Variants in RNF8 observed in about 807,000 individuals in gnomAD.
The protein encoded by RNF8 is E3 ubiquitin-protein ligase RNF8.
In RNF8, 8 loss-of-function variants were observed where a neutral mutation model predicts 59.3. That is an observed-to-expected ratio of 0.13 (90% CI 0.08 to 0.24). The LOEUF (loss-of-function observed/expected upper bound fraction) is 0.24, where lower values mean the gene tolerates loss of function less well. Among genes scored for constraint, RNF8 ranks in the 10% least tolerant of loss-of-function variants. RNF8 has a pLI of 1.00. For synonymous variants in RNF8, 162 were observed against 200.0 expected, an observed-to-expected ratio of 0.81 and a Z score of 1.60; for missense variants, 406 against 572.6, an observed-to-expected ratio of 0.71 and a Z score of 2.97.
In RNF8 at chr6:37,359,747, A is replaced by G. The variant is rs182662849; in HGVS notation, c.112-699A>G. 2.2e-3 allele frequency among the ~76,000 whole-genome samples: 329 copies of G among 152,354 alleles called. 2 individuals carry two copies. Among genetic ancestry groups the G allele is most frequent in the African/African-American group, 7.5e-3 (310 of 41,584 alleles). ...TGCTATGAAAGCTAATGCAATTTAT[A>G]TGCTCCAGTGATAATATCTAGAACT... On this transcript the variant is annotated intron_variant, in intron 1 of 7. Transcript: ENST00000373479.
In RNF8 at chr6:37,392,104, A is replaced by C. The variant is rs1481294231; in HGVS notation, c.*1346A>C. On this transcript the variant is annotated 3_prime_UTR_variant, in exon 8 of 8. Transcript: ENST00000373479. The stretch of plus-strand genomic sequence containing the variant: ...ATTCTTCTGCCCATGATTACTGATC[A>C]AAATACTGGTAGAGTCATGGAGGAA... 3.3e-5 allele frequency: 6 copies of C among 184,496 alleles called. No homozygotes were observed. The East Asian group carries it at 8.2e-4, about 25-fold the overall frequency. The allele number at this position is 184,496 out of a possible 1,614,324, so 11.4% of individuals were successfully genotyped here.
chr6:37,392,564 G>A lies in RNF8; in HGVS notation c.*1806G>A. 2 of 398,538 alleles carry A rather than the reference G, an allele frequency of 5.0e-6. No homozygotes were observed. Among genetic ancestry groups the A allele is most frequent in the Admixed American group, 8.8e-5 (2 of 22,726 alleles). 24.7% of individuals were successfully genotyped at this position (398,538 alleles called of 1,614,324 possible). A position where few individuals can be genotyped will look rare whatever the true frequency, so the allele number is the denominator to read the frequency against. ...TCTTTTTCCTTGCTTTGCACAAATG[G>A]TAAACTGTACGCTATTCTGAACCTT... On this transcript the variant is annotated 3_prime_UTR_variant, in exon 8 of 8. Transcript: ENST00000373479.
intron 7 of RNF8, among the ~76,000 whole-genome samples, chr6:37,386,658 G>T (rs1017667880): frequency 2.0e-5 from 3 of 152,174 alleles, no homozygotes; most frequent in Admixed American, 6.5e-5. Context: ...GCACCATGTT[G>T]CACTGAAAGT....
rs761537824 is a variant in RNF8, at chr6:37,381,348, C to T, written c.1435C>T (p.Arg479Ter). Residue 479 changes from arginine (R) to a stop codon, truncating the protein, a stop_gained, in exon 7 of 8, where the codon CGA (arginine) becomes TGA (stop). Transcript: ENST00000373479. LOFTEE classifies it high-confidence loss of function. ...ACGACGAATTGTTCTCATTAGGGAA[C>T]GAAAAGGTGAGTGGGTGTGAGAATT... The part of the protein sequence containing the change: ...KERRIVLIRE[R>*]KAKRLF 1 of 1,613,576 alleles carries T rather than the reference C, an allele frequency of 6.2e-7. No homozygotes were observed. The highest frequency in any genetic ancestry group is 8.5e-7 in the Non-Finnish European group (1 of 1,179,706).
intron 3 of RNF8, among the ~76,000 whole-genome samples, chr6:37,370,671 A>G (rs1363128273): frequency 6.7e-6 from 1 of 148,852 alleles, no homozygotes; most frequent in Non-Finnish European, 1.5e-5. Context: ...CTGCTGGTTT[A>G]GAAGCTCATT....
chr6:37,380,586 G>A (rs542615157), intron 6 of RNF8, among the ~76,000 whole-genome samples: 13 of 151,224 alleles, frequency 8.6e-5, no homozygotes, highest in African/African-American at 2.9e-4. Flanking sequence ...CAGGAGAATG[G>A]CGTGAACCCA....
At chr6:37,374,756 C>T (rs766451817) in intron 5 of RNF8, 47 bp downstream of exon 5, 2 of 1,398,634 alleles carry the variant, frequency 1.4e-6, no homozygotes, top group South Asian at 1.2e-5. Context: ...GTGCATGCAA[C>T]TCAGCATTTT....
At chr6:37,375,105 G>A (rs532624838) in intron 5 of RNF8, among the ~76,000 whole-genome samples, 2 of 152,344 alleles carry the variant, frequency 1.3e-5, no homozygotes, top group South Asian at 2.1e-4. Context: ...CAAATCAGGA[G>A]AACTCTTGAA....
At chr6:37,373,763 G>T (rs1319436877) in intron 4 of RNF8, among the ~76,000 whole-genome samples, 1 of 152,140 alleles carries the variant, frequency 6.6e-6, no homozygotes, top group East Asian at 1.9e-4. Context: ...TCTAATTAGT[G>T]TGTCAAGTTG....
In RNF8 at chr6:37,392,011, G is replaced by A. The variant is rs868339414; in HGVS notation, c.*1253G>A. ...ATTGATTGCCAACTTTTTAAGGATGGTAGGGATTTTTTCTTTGTTGAATAT... is the reference window on the plus strand; with the variant it reads ...ATTGATTGCCAACTTTTTAAGGATGATAGGGATTTTTTCTTTGTTGAATAT... On this transcript the variant is annotated 3_prime_UTR_variant, in exon 8 of 8. Coordinates refer to ENST00000373479, the MANE Select transcript of RNF8 (RefSeq NM_003958.4). 1.3e-5 allele frequency: 2 copies of A among 153,448 alleles called. No homozygotes were observed. Among genetic ancestry groups the A allele is most frequent in the South Asian group, 2.1e-4 (1 of 4,842 alleles). The allele number at this position is 153,448 out of a possible 1,614,324, so 9.5% of individuals were successfully genotyped here. A position where few individuals can be genotyped will look rare whatever the true frequency, so the allele number is the denominator to read the frequency against.
intron 7 of RNF8, among the ~76,000 whole-genome samples, chr6:37,382,568 A>T (rs1770316921): frequency 1.3e-5 from 2 of 152,144 alleles, no homozygotes; most frequent in South Asian, 2.1e-4. Context: ...AGATCAGCTG[A>T]GTCGGGGGAC....
At chr6:37,356,169 T>C (rs1658073780) in intron 1 of RNF8, among the ~76,000 whole-genome samples, 1 of 152,198 alleles carries the variant, frequency 6.6e-6, no homozygotes, top group Non-Finnish European at 1.5e-5. Flanking sequence ...ATGGGGCCAG[T>C]TGCATGGGGA....
At chr6:37,375,002 G>A (rs946341623) in intron 5 of RNF8, among the ~76,000 whole-genome samples, 1 of 152,198 alleles carries the variant, frequency 6.6e-6, no homozygotes, top group African/African-American at 2.4e-5. Context: ...TACAGACTGA[G>A]GAATATTGTA....
chr6:37,373,196 G>A (rs753477695), intron 4 of RNF8, among the ~76,000 whole-genome samples: 20 of 152,040 alleles, frequency 1.3e-4, no homozygotes, highest in Non-Finnish European at 2.6e-4. Flanking sequence ...TTTTTAAACC[G>A]AGTGATTCAT....
Position 37,390,857 on chromosome 6 carries a change from C to A in RNF8, c.*99C>A. On this transcript the variant is annotated 3_prime_UTR_variant, in exon 8 of 8. Coordinates refer to ENST00000373479, the MANE Select transcript of RNF8 (RefSeq NM_003958.4). Reference sequence around the variant, plus strand: ...GCCGTGACTCCGCTGCTCTGAAGGTCAACTGAGAAGTCTTGTGGGACAGAG... The same window carrying A: ...GCCGTGACTCCGCTGCTCTGAAGGTAAACTGAGAAGTCTTGTGGGACAGAG... 1.2e-6 allele frequency: 2 copies of A among 1,607,416 alleles called. No homozygotes were observed. The highest frequency in any genetic ancestry group is 2.2e-5 in the South Asian group (2 of 90,940).
chr6:37,384,322 G>A (rs1382415493), intron 7 of RNF8, among the ~76,000 whole-genome samples: 3 of 152,004 alleles, frequency 2.0e-5, no homozygotes, highest in African/African-American at 7.2e-5. Context: ...TGCATTTTTA[G>A]TAGAGACGGG....
At chr6:37,379,588 AGAG>A (rs1388346176) in intron 6 of RNF8, among the ~76,000 whole-genome samples, 1 of 152,216 alleles carries the variant, frequency 6.6e-6, no homozygotes. Context: ...GGGATTACTC[AGAG>A]GAGCCCCACA....
chr6:37,384,024 CAG>C (rs1443534523), intron 7 of RNF8, among the ~76,000 whole-genome samples: 1 of 151,268 alleles, frequency 6.6e-6, no homozygotes, highest in Admixed American at 6.6e-5. Flanking sequence ...GGGTTGTACT[CAG>C]AAAAAAAACA....
chr6:37,388,555 A>AC (rs956402383), intron 7 of RNF8, among the ~76,000 whole-genome samples: 1 of 152,182 alleles, frequency 6.6e-6, no homozygotes, highest in African/African-American at 2.4e-5. Context: ...CATGAGAAAC[A>AC]CCAACATTAG....
Sources: gnomAD v4.1 joint callset for allele counts (sites outside exome capture counted in the v4.1 genomes callset) on GRCh38, gnomAD v4.1.1 for gene constraint, MANE v1.5 for transcripts, NCBI Gene and HGNC (gene_info 2026-07-23, HGNC 2026-07-21) for gene names.